The following SLC14A2 variants were observed in gnomAD, a reference collection of about 807,000 sequenced individuals.
The protein encoded by SLC14A2 is solute carrier family 14 member 2.
Under a neutral mutation model 104.6 loss-of-function variants are expected in SLC14A2, and 91 were observed. That is an observed-to-expected ratio of 0.87 (90% CI 0.73 to 1.04). The LOEUF (loss-of-function observed/expected upper bound fraction) is 1.04. SLC14A2 is among the 50% of genes least tolerant of loss of function. The pLI is 0.00. For synonymous variants in SLC14A2, 476 were observed against 466.4 expected (o/e 1.02, Z -0.27); for missense variants, 1,189 against 1,156.0 (o/e 1.03, Z -0.41).
intron 2 of SLC14A2, chr18:45,529,145 C>A (rs2043642266): frequency 6.6e-6 from 1 of 152,212 alleles, no homozygotes; most frequent in Non-Finnish European, 1.5e-5. Flanking sequence ...CTTGCAGAAT[C>A]ATGAGAAAAA....
At chr18:45,428,813 T>C (rs2063398138) in intron 1 of SLC14A2, among the ~76,000 whole-genome samples, 1 of 152,232 alleles carries the variant, frequency 6.6e-6, no homozygotes, top group Non-Finnish European at 1.5e-5. Context: ...TTCATTTGAG[T>C]TCTGTTTAAT....
At chr18:45,627,275 G>A (rs2045274890) in intron 4 of SLC14A2, 128 bp downstream of exon 4, 1 of 738,190 alleles carries the variant, frequency 1.4e-6, no homozygotes, top group Non-Finnish European at 2.3e-6. Flanking sequence ...ACTTTAAGCA[G>A]GTCACTGACA....
intron 1 of SLC14A2, among the ~76,000 whole-genome samples, chr18:45,449,170 G>A (rs1033640802): frequency 6.6e-6 from 1 of 152,230 alleles, no homozygotes; most frequent in Admixed American, 6.5e-5. Flanking sequence ...TATATTGCCT[G>A]AGCATCTTTT....
At chr18:45,653,671 C>T (rs1333176797) in intron 10 of SLC14A2, among the ~76,000 whole-genome samples, 1 of 152,124 alleles carries the variant, frequency 6.6e-6, no homozygotes, top group African/African-American at 2.4e-5. Flanking sequence ...TTCGTCACAC[C>T]CTTCTTGCTC....
At chr18:45,602,468 T>C (rs1349617801) in intron 2 of SLC14A2, among the ~76,000 whole-genome samples, 2 of 152,172 alleles carry the variant, frequency 1.3e-5, no homozygotes, top group Non-Finnish European at 2.9e-5. Context: ...CTTCACCTAC[T>C]GTGTGGCTTT....
intron 10 of SLC14A2, among the ~76,000 whole-genome samples, chr18:45,656,300 A>C (rs181238683): frequency 3.4e-5 from 5 of 145,208 alleles, no homozygotes; most frequent in Non-Finnish European, 6.1e-5. Flanking sequence ...TTAGGCAAGA[A>C]GAGGGATGGA....
At chr18:45,575,285 C>A (rs2044403909) in intron 2 of SLC14A2, among the ~76,000 whole-genome samples, 1 of 152,140 alleles carries the variant, frequency 6.6e-6, no homozygotes, top group South Asian at 2.1e-4. Context: ...AGCCCCCTCC[C>A]TCCATGCCCC....
intron 1 of SLC14A2, among the ~76,000 whole-genome samples, chr18:45,451,828 A>C (rs939111566): frequency 6.6e-6 from 1 of 152,194 alleles, no homozygotes; most frequent in Admixed American, 6.5e-5. Context: ...AACTATTCAA[A>C]AGACCAAGTA....
intron 10 of SLC14A2, among the ~76,000 whole-genome samples, chr18:45,660,963 A>G (rs963779932): frequency 1.3e-5 from 2 of 152,218 alleles, no homozygotes; most frequent in African/African-American, 4.8e-5. Flanking sequence ...TGGCTGCCAC[A>G]TCGTGAGGAG....
At chr18:45,537,589 G>A (rs1316078955) in intron 2 of SLC14A2, among the ~76,000 whole-genome samples, 1 of 152,198 alleles carries the variant, frequency 6.6e-6, no homozygotes, top group Non-Finnish European at 1.5e-5. Context: ...AGCTTTGTAG[G>A]ATATTTAAGG....
intron 1 of SLC14A2, among the ~76,000 whole-genome samples, chr18:45,220,563 C>A (rs1405708151): frequency 6.6e-6 from 1 of 151,888 alleles, no homozygotes; most frequent in Non-Finnish European, 1.5e-5. Flanking sequence ...GTCTGTCTTT[C>A]TGTTGTCACA....
intron 2 of SLC14A2, among the ~76,000 whole-genome samples, chr18:45,494,213 T>A (rs16978384): frequency 0.074 from 11,285 of 152,238 alleles, 545 homozygotes; most frequent in East Asian, 0.21. Flanking sequence ...ATCTGGACAG[T>A]TGAATTCTAC....
rs2043513568 is a variant in SLC14A2, at chr18:45,521,307, A to C, written c.-35+37985A>C. ...TGACTCATTCCAAGCTTACAGCCAA[A>C]GCATACTTGCAGTTTCTGGCATTGT... is the stretch of plus-strand genomic sequence containing the variant. On this transcript the variant is annotated intron_variant, in intron 2 of 20. Coordinates refer to the SLC14A2 transcript ENST00000586448. Among the ~76,000 whole-genome samples the C allele has an allele frequency of 2.0e-5, 3 of 152,224 alleles. No individual in the cohort carries two copies. In the South Asian group the frequency reaches 6.2e-4, roughly 31 times the overall value.
chr18:45,361,637 G>A (rs757189946), intron 1 of SLC14A2, among the ~76,000 whole-genome samples: 1 of 152,182 alleles, frequency 6.6e-6, no homozygotes. Flanking sequence ...AGAACTCTGT[G>A]CCTGCACCCA....
chr18:45,230,993 G>C (rs997851005), intron 1 of SLC14A2, among the ~76,000 whole-genome samples: 1 of 152,162 alleles, frequency 6.6e-6, no homozygotes, highest in African/African-American at 2.4e-5. Context: ...AACAACAAAA[G>C]TGTATTGGCA....
chr18:45,476,629 G>C (rs886897066), intron 1 of SLC14A2, among the ~76,000 whole-genome samples: 1 of 152,160 alleles, frequency 6.6e-6, no homozygotes, highest in African/African-American at 2.4e-5. Context: ...GTCAAACGTA[G>C]GTTTGGTCTT....
At chr18:45,630,300 C>T (rs1026102376) in intron 4 of SLC14A2, among the ~76,000 whole-genome samples, 2 of 152,164 alleles carry the variant, frequency 1.3e-5, no homozygotes, top group Admixed American at 6.5e-5. Flanking sequence ...GCCACGAGCT[C>T]ACTGCTGTAC....
chr18:45,558,340 T>C lies in SLC14A2; in HGVS notation c.-34-66291T>C, dbSNP rs541330092. On this transcript the variant is annotated intron_variant, in intron 2 of 20. Transcript: ENST00000586448. ...AGTACGACCCTGCCTTATACAGTAT[T>C]AATCTGTGAGTCTGGCTCATCACAC... 1.4e-4 allele frequency among the ~76,000 whole-genome samples: 22 copies of C among 152,322 alleles called. No individual in the cohort carries two copies. In the South Asian group the frequency reaches 1.7e-3, roughly 11 times the overall value.
intron 1 of SLC14A2, among the ~76,000 whole-genome samples, chr18:45,286,082 G>T (rs1281162392): frequency 6.6e-6 from 1 of 152,188 alleles, no homozygotes; most frequent in African/African-American, 2.4e-5. Context: ...CTATTCTGGG[G>T]AGCTGAATAC....
Sources: gnomAD v4.1 joint callset for allele counts (sites outside exome capture counted in the v4.1 genomes callset) on GRCh38, gnomAD v4.1.1 for gene constraint, MANE v1.5 for transcripts, NCBI Gene and HGNC (gene_info 2026-07-23, HGNC 2026-07-21) for gene names.